The following ATP4B variants were observed in gnomAD, a reference collection of about 807,000 sequenced individuals.
The protein encoded by ATP4B is ATPase H+/K+ transporting subunit beta.
A neutral mutation model predicts 35.3 loss-of-function variants in ATP4B; 27 were observed. That is an observed-to-expected ratio of 0.76 (90% CI 0.56 to 1.05). ATP4B has a LOEUF of 1.05. Ranked by LOEUF, ATP4B falls within the 50% of genes least tolerant of loss-of-function variation. The pLI is 0.00. For synonymous variants in ATP4B, 162 were observed against 156.0 expected (o/e 1.04, Z -0.29); for missense variants, 375 against 384.8 (o/e 0.97, Z 0.21).
At position 113,649,556 on chromosome 13, in the gene ATP4B, G is replaced by T; in HGVS notation, c.715-21C>A. 6.8e-7 allele frequency: 1 copy of T among 1,470,594 alleles called. No individual in the cohort carries two copies. Among genetic ancestry groups the T allele is most frequent in the Non-Finnish European group, 9.0e-7 (1 of 1,107,580 alleles). 91.1% of individuals were successfully genotyped at this position (1,470,594 alleles called of 1,614,324 possible). ...TGGGGCTGAAGTGGGAGTGAGGAAA[G>T]GACAGGTGTTTCAAAAATCTCTGAA... On this transcript the variant is annotated intron_variant, in intron 6 of 6. Coordinates refer to ENST00000335288, the MANE Select transcript of ATP4B (RefSeq NM_000705.4). The surrounding 1 kb of genome is among the most constrained non-coding windows in gnomAD (Gnocchi z 4.7).
At position 113,652,813 on chromosome 13, in the gene ATP4B, G is replaced by A. The variant is rs571742002; in HGVS notation, c.555+60C>T. On this transcript the variant is annotated intron_variant, in intron 4 of 6. Transcript: ENST00000335288. ...CACCTGTGCTCCTCGTGGTGGGTGT[G>A]GGTGAGAGGCCCTGACTGCACTGTT... The A allele has an allele frequency of 2.0e-5, 31 of 1,575,792 alleles. 2 individuals are homozygous for A. The African/African-American group carries it at 3.8e-4, about 19-fold the overall frequency.
intron 4 of ATP4B, chr13:113,652,667 G>T (rs1365569063): frequency 2.9e-6 from 2 of 681,538 alleles, no homozygotes. Context: ...CTATGTGCTG[G>T]TGTCTGACGA....
Position 113,653,515 on chromosome 13 carries a change from C to A in ATP4B, c.242-81G>T, listed in dbSNP as rs550730170. ...ATCAGTTCTGAAGTGGCTGAGGATA[C>A]GCCAGAGGCGGTGGCCCAACCCAGG... is the stretch of plus-strand genomic sequence containing the variant. On this transcript the variant is annotated intron_variant, in intron 2 of 6. Coordinates refer to ENST00000335288, the MANE Select transcript of ATP4B (RefSeq NM_000705.4). The A allele has an allele frequency of 1.0e-4, 136 of 1,313,240 alleles. No homozygotes were observed. The South Asian group carries it at 1.5e-3, about 15-fold the overall frequency. 81.3% of individuals were successfully genotyped at this position (1,313,240 alleles called of 1,614,324 possible).
chr13:113,649,022 G>T lies in ATP4B; in HGVS notation c.*352C>A. 5.8e-6 allele frequency: 1 copy of T among 172,496 alleles called. No individual in the cohort carries two copies. The highest frequency in any genetic ancestry group is 1.3e-5 in the Non-Finnish European group (1 of 79,390). The allele number at this position is 172,496 out of a possible 1,614,324, so 10.7% of individuals were successfully genotyped here. A position where few individuals can be genotyped will look rare whatever the true frequency, so the allele number is the denominator to read the frequency against. ...TAATGTGGGGGGGGCAGTTCATATT[G>T]AAGTGTAGAAAAATAAATTATAGTA... On this transcript the variant is annotated 3_prime_UTR_variant, in exon 7 of 7. Transcript: ENST00000335288. The surrounding 1 kb of genome is among the most constrained non-coding windows in gnomAD (Gnocchi z 4.7).
chr13:113,649,409 C>T lies in ATP4B; in HGVS notation c.841G>A (p.Gly281Arg). The T allele has an allele frequency of 6.3e-7, 1 of 1,593,328 alleles. No homozygotes were observed. Among genetic ancestry groups the T allele is most frequent in the Non-Finnish European group, 8.6e-7 (1 of 1,168,390 alleles). ...TFNNPHDPYE[G>R]KVEFKLKIEK ...ATCTTGAGTTTGAACTCCACTTTCC[C>T]TTCATACGGGTCGTGGGGATTGTTG... Residue 281 changes from glycine to arginine, a missense_variant, in exon 7 of 7, where the codon GGG becomes AGG. Physicochemically the swap from Gly to Arg is moderately radical, Grantham distance 125. Coordinates refer to ENST00000335288, the MANE Select transcript of ATP4B (RefSeq NM_000705.4). The surrounding 1 kb of genome is among the most constrained non-coding windows in gnomAD (Gnocchi z 4.7).
At chr13:113,654,588 A>G (rs1349515961) in intron 2 of ATP4B, among the ~76,000 whole-genome samples, 1 of 152,262 alleles carries the variant, frequency 6.6e-6, no homozygotes, top group Non-Finnish European at 1.5e-5. Flanking sequence ...ATGGAAAGAA[A>G]CTAAGGGGCC....
In ATP4B at chr13:113,655,084, C is replaced by G. The variant is rs1262820378; in HGVS notation, c.113-142G>C. ...CATTCTCCTCCCCCAAAACAGAAAC[C>G]CCGTCCCCACAAACAGTCACTACAA... On this transcript the variant is annotated intron_variant, in intron 1 of 6. Coordinates refer to ENST00000335288, the MANE Select transcript of ATP4B (RefSeq NM_000705.4). 53 of 1,164,570 alleles carry G rather than the reference C, an allele frequency of 4.6e-5. 1 individual carries two copies. In the South Asian group the frequency reaches 7.1e-4, roughly 16 times the overall value. 72.1% of individuals were successfully genotyped at this position (1,164,570 alleles called of 1,614,324 possible). A position where few individuals can be genotyped will look rare whatever the true frequency, so the allele number is the denominator to read the frequency against.
intron 1 of ATP4B, 118 bp downstream of exon 1, chr13:113,657,915 C>G: frequency 1.2e-6 from 1 of 822,634 alleles, no homozygotes; most frequent in African/African-American, 1.7e-5. Context: ...GCCATCCAGG[C>G]AGCATCGGGG....
intron 1 of ATP4B, 40 bp downstream of exon 1, chr13:113,657,993 C>T: frequency 6.6e-7 from 1 of 1,516,016 alleles, no homozygotes; most frequent in Non-Finnish European, 8.9e-7. Flanking sequence ...CTCAGAGCGG[C>T]CCCCTCCATG....
At chr13:113,653,585 C>A in intron 2 of ATP4B, 151 bp from the exon 3 acceptor site, 2 of 640,714 alleles carry the variant, frequency 3.1e-6, no homozygotes, top group East Asian at 2.8e-5. Flanking sequence ...AGGAAGGACC[C>A]CCAGGACAGC....
rs1837176816 is a variant in ATP4B at position 113,650,014 on chromosome 13, T to G, written c.714+392A>C. Among the ~76,000 whole-genome samples the G allele has an allele frequency of 6.6e-6, 1 of 151,906 alleles. No individual in the cohort carries two copies. The highest frequency in any genetic ancestry group is 2.4e-5 in the African/African-American group (1 of 41,366). On this transcript the variant is annotated intron_variant, in intron 6 of 6. Transcript: ENST00000335288. The surrounding 1 kb of genome is among the most constrained non-coding windows in gnomAD (Gnocchi z 5.0). ...CCTTTCTCTATAAAAAATACGAAAATTAGCTGGGCATGTTGGTGTGTGCCT... is the reference window on the plus strand; with the variant it reads ...CCTTTCTCTATAAAAAATACGAAAAGTAGCTGGGCATGTTGGTGTGTGCCT...
chr13:113,655,834 G>T (rs530470603), intron 1 of ATP4B, among the ~76,000 whole-genome samples: 4 of 152,288 alleles, frequency 2.6e-5, no homozygotes, highest in African/African-American at 9.6e-5. Flanking sequence ...ACAACCAAAG[G>T]GCAGGACCAA....
At chr13:113,656,900 C>A (rs947015021) in intron 1 of ATP4B, among the ~76,000 whole-genome samples, 15 of 152,164 alleles carry the variant, frequency 9.9e-5, no homozygotes, top group African/African-American at 3.4e-4. Flanking sequence ...AGCCCAGCCC[C>A]CGCCCTCAGC....
intron 2 of ATP4B, among the ~76,000 whole-genome samples, 167 bp downstream of exon 2, chr13:113,654,647 G>A (rs1327908828): frequency 1.3e-5 from 2 of 152,256 alleles, no homozygotes; most frequent in Non-Finnish European, 2.9e-5. Context: ...GCCAGGGGCT[G>A]CCCTCGGGGG....
At chr13:113,656,534 A>G (rs1290140835) in intron 1 of ATP4B, among the ~76,000 whole-genome samples, 2 of 152,132 alleles carry the variant, frequency 1.3e-5, no homozygotes, top group Non-Finnish European at 2.9e-5. Context: ...CACGGTGTTC[A>G]GGGCACGCTG....
chr13:113,650,700 A>T lies in ATP4B; in HGVS notation c.613-193T>A, dbSNP rs146819853. Among the ~76,000 whole-genome samples the T allele has an allele frequency of 6.9e-4, 105 of 152,290 alleles. 1 individual carries two copies. The East Asian group carries it at 0.018, about 26-fold the overall frequency. On this transcript the variant is annotated intron_variant, in intron 5 of 6. Coordinates refer to ENST00000335288, the MANE Select transcript of ATP4B (RefSeq NM_000705.4). This position sits in a 1 kb window ranked among gnomAD's most constrained non-coding sequence, Gnocchi z 5.0. ...GATCTCAGCAAGGATATGATTTGTT[A>T]GCATGCAAAATGCCCAGTGACCCCT...
chr13:113,651,220 G>A (rs1483354196), intron 5 of ATP4B, among the ~76,000 whole-genome samples: 1 of 152,212 alleles, frequency 6.6e-6, no homozygotes, highest in Non-Finnish European at 1.5e-5. Flanking sequence ...AAAAAATGTT[G>A]ACTTAAAAAG....
At chr13:113,657,685 A>G (rs9324254) in intron 1 of ATP4B, among the ~76,000 whole-genome samples, 92,690 of 152,270 alleles carry the variant, frequency 0.61, 28,578 homozygotes, top group African/African-American at 0.72. Flanking sequence ...CCAAGGAATC[A>G]CCGTTGCCAC....
chr13:113,654,205 TTTG>T (rs1310188689), intron 2 of ATP4B, among the ~76,000 whole-genome samples: 5 of 152,244 alleles, frequency 3.3e-5, no homozygotes, highest in African/African-American at 1.2e-4. Flanking sequence ...TTTAGTGGAT[TTTG>T]TTAAGAGTAA....
Sources: allele counts gnomAD v4.1 joint callset (sites outside exome capture counted in the v4.1 genomes callset), GRCh38; gene constraint gnomAD v4.1.1; non-coding constraint Gnocchi (gnomAD v3.1); transcripts MANE v1.5; gene names NCBI Gene and HGNC (gene_info 2026-07-23, HGNC 2026-07-21).